Variants in LHFPL2 observed in about 807,000 individuals in gnomAD.
LHFPL2 encodes LHFPL tetraspan subfamily member 2, also known as LHFPL tetraspan subfamily member 2 protein.
LHFPL2 carries 7 observed loss-of-function variants against 17.5 expected under a neutral mutation model. The ratio of observed to expected loss-of-function variants is 0.40; its 90% CI spans 0.23 to 0.75. The LOEUF (loss-of-function observed/expected upper bound fraction) is 0.75. LHFPL2 is among the 30% of genes least tolerant of loss of function. The pLI is 0.37. For synonymous variants in LHFPL2, 134 were observed against 116.2 expected (o/e 1.15, Z -0.99); for missense variants, 241 against 294.8 (o/e 0.82, Z 1.34).
intron 2 of LHFPL2, among the ~76,000 whole-genome samples, chr5:78,598,106 TG>T (rs1429784647): frequency 7.9e-5 from 12 of 152,318 alleles, no homozygotes; most frequent in Middle Eastern, 3.4e-3. Flanking sequence ...TCCCACCCCA[TG>T]TGTCAAGATG....
At chr5:78,630,355 A>T (rs1157301947) in intron 2 of LHFPL2, among the ~76,000 whole-genome samples, 3 of 152,210 alleles carry the variant, frequency 2.0e-5, no homozygotes, top group Admixed American at 1.3e-4. Context: ...AACATTCAGT[A>T]ACATCTCAAG....
intron 3 of LHFPL2, among the ~76,000 whole-genome samples, chr5:78,547,773 C>T (rs544528930): frequency 6.6e-6 from 1 of 152,344 alleles, no homozygotes; most frequent in East Asian, 1.9e-4. Context: ...CCCGCCTCCT[C>T]GGTTTAACTG....
intron 2 of LHFPL2, among the ~76,000 whole-genome samples, chr5:78,603,497 T>C (rs1433066934): frequency 6.6e-6 from 1 of 152,176 alleles, no homozygotes; most frequent in Admixed American, 6.5e-5. Flanking sequence ...GAGCTACGAA[T>C]GAGTCCATAC....
At chr5:78,644,099 A>T (rs1745775916) in intron 1 of LHFPL2, among the ~76,000 whole-genome samples, 1 of 152,206 alleles carries the variant, frequency 6.6e-6, no homozygotes, top group South Asian at 2.1e-4. Context: ...AGCACAGGGT[A>T]TCTAAAGATA....
chr5:78,625,579 T>TA (rs1745006649), intron 2 of LHFPL2: 1 of 152,236 alleles, frequency 6.6e-6, no homozygotes, highest in African/African-American at 2.4e-5. Context: ...CTCCATTTTC[T>TA]AACCTATATA....
chr5:78,490,548 T>A (rs1007022817), intron 4 of LHFPL2, among the ~76,000 whole-genome samples: 20 of 150,980 alleles, frequency 1.3e-4, no homozygotes, highest in Admixed American at 7.3e-4. Context: ...GTCAAGAGAG[T>A]GAGACCATCC....
intron 3 of LHFPL2, among the ~76,000 whole-genome samples, chr5:78,554,068 A>G (rs966250027): frequency 1.3e-5 from 2 of 152,210 alleles, no homozygotes; most frequent in South Asian, 4.1e-4. Flanking sequence ...TCAGGCGCTG[A>G]TCTATTTTAA....
intron 3 of LHFPL2, among the ~76,000 whole-genome samples, chr5:78,533,289 C>T (rs867007356): frequency 1.4e-4 from 21 of 152,222 alleles, no homozygotes; most frequent in South Asian, 2.1e-4. Context: ...GAGCCTTCAC[C>T]GTAAGATGTT....
intron 2 of LHFPL2, among the ~76,000 whole-genome samples, chr5:78,594,396 C>A (rs1743756421): frequency 6.6e-6 from 1 of 152,196 alleles, no homozygotes; most frequent in South Asian, 2.1e-4. Context: ...GTAATATACG[C>A]TGTCTAATGT....
chr5:78,536,751 G>A (rs1417472483), intron 3 of LHFPL2, among the ~76,000 whole-genome samples: 3 of 152,152 alleles, frequency 2.0e-5, no homozygotes, highest in African/African-American at 7.2e-5. Flanking sequence ...ATTTTTACCA[G>A]TAAAATCACA....
chr5:78,501,772 C>T (rs779940108), intron 4 of LHFPL2, among the ~76,000 whole-genome samples: 1 of 152,184 alleles, frequency 6.6e-6, no homozygotes, highest in Non-Finnish European at 1.5e-5. Context: ...CCAGGCTTAA[C>T]GTCGACATTT....
At chr5:78,625,426 G>C (rs1426493901) in intron 2 of LHFPL2, 1 of 152,136 alleles carries the variant, frequency 6.6e-6, no homozygotes, top group East Asian at 1.9e-4. Flanking sequence ...TCCAACTTCA[G>C]AGGGCACCAC....
chr5:78,499,695 G>A (rs781712358), intron 4 of LHFPL2, among the ~76,000 whole-genome samples: 14 of 152,224 alleles, frequency 9.2e-5, no homozygotes, highest in Non-Finnish European at 1.3e-4. Flanking sequence ...CAGGAGTGCC[G>A]TGAGGGGTTA....
At chr5:78,563,866 A>G (rs1386035385) in intron 3 of LHFPL2, among the ~76,000 whole-genome samples, 1 of 152,230 alleles carries the variant, frequency 6.6e-6, no homozygotes, top group Non-Finnish European at 1.5e-5. Context: ...AACAACAACA[A>G]AAACCTCAAG....
intron 2 of LHFPL2, among the ~76,000 whole-genome samples, chr5:78,592,827 T>C (rs1743690709): frequency 6.6e-6 from 1 of 152,092 alleles, no homozygotes; most frequent in African/African-American, 2.4e-5. Context: ...CTCCTGGCCA[T>C]CCAGATTACT....
intron 3 of LHFPL2, among the ~76,000 whole-genome samples, chr5:78,520,667 C>A (rs1755425936): frequency 6.6e-6 from 1 of 152,052 alleles, no homozygotes; most frequent in Admixed American, 6.5e-5. Context: ...GGGCACTACA[C>A]AATGGCCCTG....
At chr5:78,525,460 A>C (rs16875586) in intron 3 of LHFPL2, among the ~76,000 whole-genome samples, 5,272 of 152,302 alleles carry the variant, frequency 0.035, 330 homozygotes, top group African/African-American at 0.12. Context: ...CCTTGGAAAA[A>C]TGAATTGAGC....
chr5:78,526,802 CA>C (rs772626209), intron 3 of LHFPL2, among the ~76,000 whole-genome samples: 176 of 152,316 alleles, frequency 1.2e-3, no homozygotes, highest in African/African-American at 3.5e-3. Flanking sequence ...GACAGACCTC[CA>C]TTCTTTCCTG....
chr5:78,621,733 T>C (rs1744863194), intron 2 of LHFPL2, among the ~76,000 whole-genome samples: 3 of 152,208 alleles, frequency 2.0e-5, no homozygotes, highest in African/African-American at 7.2e-5. Flanking sequence ...GTGAAATAAA[T>C]TACTGCATTG....
Sources: allele counts gnomAD v4.1 joint callset (sites outside exome capture counted in the v4.1 genomes callset), GRCh38; gene constraint gnomAD v4.1.1; transcripts MANE v1.5; gene names NCBI Gene and HGNC (gene_info 2026-07-23, HGNC 2026-07-21).